SHISA9: variants seen among roughly 807,000 people sequenced by gnomAD.
SHISA9 encodes the protein protein shisa-9.
SHISA9 carries 13 observed loss-of-function variants against 38.0 expected under a neutral mutation model. The ratio of observed to expected loss-of-function variants is 0.34; its 90% CI spans 0.22 to 0.54. The LOEUF is 0.54. Ranked by LOEUF, SHISA9 falls within the 20% of genes least tolerant of loss-of-function variation. The pLI is 0.91. For synonymous variants in SHISA9, 275 were observed against 242.0 expected, an observed-to-expected ratio of 1.14 and a Z score of -1.27; for missense variants, 538 against 575.8, an observed-to-expected ratio of 0.93 and a Z score of 0.67.
At chr16:13,282,661 T>G in the SHISA9 span, among the ~76,000 whole-genome samples, 1 of 152,132 alleles carries the variant, frequency 6.6e-6, no homozygotes, top group Non-Finnish European at 1.5e-5. Context: ...CACAGGATCC[T>G]AGGACTCTGT....
intron 2 of SHISA9, among the ~76,000 whole-genome samples, chr16:13,069,342 G>C (rs954522777): frequency 1.3e-5 from 2 of 151,422 alleles, no homozygotes; most frequent in African/African-American, 4.9e-5. Context: ...GCATGCATAT[G>C]TGTGTATGTA....
chr16:13,542,664 C>T, the SHISA9 span, among the ~76,000 whole-genome samples: 1 of 152,178 alleles, frequency 6.6e-6, no homozygotes, highest in African/African-American at 2.4e-5. Flanking sequence ...CCAGGGACAA[C>T]AAAATGCACA....
chr16:13,139,801 C>T (rs552220934), intron 2 of SHISA9, among the ~76,000 whole-genome samples: 13 of 152,250 alleles, frequency 8.5e-5, no homozygotes, highest in Non-Finnish European at 1.6e-4. Context: ...TGTTATTTGG[C>T]ATTGCTCAGC....
At chr16:13,338,244 A>C in the SHISA9 span, among the ~76,000 whole-genome samples, 9 of 152,296 alleles carry the variant, frequency 5.9e-5, no homozygotes, top group East Asian at 1.5e-3. Context: ...GCCACACCTG[A>C]AGCTTCCAGT....
intron 2 of SHISA9, among the ~76,000 whole-genome samples, chr16:12,985,511 G>A (rs139929399): frequency 0.011 from 1,722 of 152,232 alleles, 36 homozygotes; most frequent in African/African-American, 0.039. Context: ...ACTCTATTAC[G>A]TTTTAACTCT....
chr16:13,019,929 TTCTTTC>T (rs2072823107), intron 2 of SHISA9, among the ~76,000 whole-genome samples: 1 of 93,568 alleles, frequency 1.1e-5, no homozygotes, highest in Non-Finnish European at 2.4e-5. Context: ...CTTTCTTTCT[TTCTTTC>T]TTTCTTTCTT....
chr16:13,494,288 T>A, the SHISA9 span, among the ~76,000 whole-genome samples: 3 of 152,190 alleles, frequency 2.0e-5, no homozygotes, highest in African/African-American at 7.2e-5. Flanking sequence ...GCAGAATAGA[T>A]TAATCAGCCT....
intron 2 of SHISA9, among the ~76,000 whole-genome samples, chr16:13,019,784 CT>C (rs1483102180): frequency 8.0e-5 from 10 of 125,774 alleles, no homozygotes; most frequent in Non-Finnish European, 1.3e-4. Flanking sequence ...TTCTTTCTTT[CT>C]TTCTTTCTTT....
At chr16:13,288,242 C>T in the SHISA9 span, among the ~76,000 whole-genome samples, 1 of 152,062 alleles carries the variant, frequency 6.6e-6, no homozygotes, top group Non-Finnish European at 1.5e-5. Flanking sequence ...CTTAGTCTGC[C>T]ATAACAAAAT....
chr16:13,028,435 A>G (rs1011248271), intron 2 of SHISA9, among the ~76,000 whole-genome samples: 48 of 152,094 alleles, frequency 3.2e-4, no homozygotes, highest in African/African-American at 1.1e-3. Flanking sequence ...AGGCCTCACA[A>G]TCATGGTGGA....
chr16:13,301,702 T>G, the SHISA9 span, among the ~76,000 whole-genome samples: 1 of 152,142 alleles, frequency 6.6e-6, no homozygotes, highest in African/African-American at 2.4e-5. Flanking sequence ...GTATGAGGTA[T>G]GTGGGTGTAA....
At chr16:13,308,090 T>C in the SHISA9 span, among the ~76,000 whole-genome samples, 1 of 152,200 alleles carries the variant, frequency 6.6e-6, no homozygotes, top group African/African-American at 2.4e-5. Context: ...AAAGTACATC[T>C]GGAATGCTGA....
chr16:13,058,938 T>TG (rs1000360886), intron 2 of SHISA9, among the ~76,000 whole-genome samples: 2 of 151,982 alleles, frequency 1.3e-5, no homozygotes, highest in African/African-American at 2.4e-5. Context: ...AGTGTGGGTT[T>TG]GGGGGGTGGA....
intron 2 of SHISA9, among the ~76,000 whole-genome samples, chr16:12,994,540 G>T (rs901395755): frequency 2.6e-5 from 4 of 152,186 alleles, no homozygotes; most frequent in Non-Finnish European, 5.9e-5. Context: ...GGTGGTGGTG[G>T]TAGTGGTGGT....
At chr16:12,969,925 A>G (rs140633872) in intron 2 of SHISA9, among the ~76,000 whole-genome samples, 1,563 of 152,224 alleles carry the variant, frequency 0.01, 10 homozygotes, top group Non-Finnish European at 0.017. Flanking sequence ...TTTAGGGACC[A>G]TGTCACAGAT....
chr16:13,183,430 C>G (rs1216735582), intron 2 of SHISA9, among the ~76,000 whole-genome samples: 2 of 152,246 alleles, frequency 1.3e-5, no homozygotes, highest in African/African-American at 4.8e-5. Flanking sequence ...AACAAGATCT[C>G]TTCCCAATGT....
chr16:13,097,453 G>A (rs936147442), intron 2 of SHISA9, among the ~76,000 whole-genome samples: 2 of 149,622 alleles, frequency 1.3e-5, no homozygotes, highest in Admixed American at 6.7e-5. Context: ...GTTTTGCTTT[G>A]CCCCTCAGGC....
chr16:13,182,908 G>T (rs1432774566), intron 2 of SHISA9, among the ~76,000 whole-genome samples: 1 of 152,224 alleles, frequency 6.6e-6, no homozygotes, highest in African/African-American at 2.4e-5. Context: ...CACAGTTGCA[G>T]TCACACAGTG....
chr16:13,294,486 A>T, the SHISA9 span, among the ~76,000 whole-genome samples: 2 of 152,232 alleles, frequency 1.3e-5, no homozygotes, highest in Non-Finnish European at 2.9e-5. Context: ...GTGGAAACAC[A>T]TGAAGCCTCT....
Sources: allele counts gnomAD v4.1 joint callset (sites outside exome capture counted in the v4.1 genomes callset), GRCh38; gene constraint gnomAD v4.1.1; transcripts MANE v1.5; gene names NCBI Gene and HGNC (gene_info 2026-07-23, HGNC 2026-07-21).